Variants in MEP1A observed in about 807,000 individuals in gnomAD.
MEP1A encodes N-benzoyl-L-tyrosyl-P-amino-benzoic acid hydrolase subunit alpha.
Under a neutral mutation model 84.5 loss-of-function variants are expected in MEP1A, and 68 were observed. That is an observed-to-expected ratio of 0.80 (90% CI 0.66 to 0.98). The LOEUF is 0.98. MEP1A is among the 50% of genes least tolerant of loss of function. MEP1A has a pLI of 0.00. For synonymous variants in MEP1A, 337 were observed against 336.8 expected (o/e 1.00, Z -0.01); for missense variants, 887 against 919.9 (o/e 0.96, Z 0.46).
At chr6:46,832,712 A>G (rs975844558) in intron 10 of MEP1A, among the ~76,000 whole-genome samples, 5 of 152,124 alleles carry the variant, frequency 3.3e-5, no homozygotes, top group African/African-American at 1.2e-4. Flanking sequence ...GAAAATGGCT[A>G]TTTTATATGA....
intron 7 of MEP1A, among the ~76,000 whole-genome samples, chr6:46,823,673 G>A (rs1277090591): frequency 6.6e-6 from 1 of 152,138 alleles, no homozygotes; most frequent in African/African-American, 2.4e-5. Flanking sequence ...AGGAGAATAC[G>A]AGGATGGGAA....
chr6:46,807,561 A>G (rs866017497), intron 5 of MEP1A, among the ~76,000 whole-genome samples: 5 of 66,376 alleles, frequency 7.5e-5, no homozygotes, highest in Non-Finnish European at 8.7e-5. Context: ...AGAAAGAAAG[A>G]AAGAAAGGAA....
intron 8 of MEP1A, among the ~76,000 whole-genome samples, chr6:46,825,768 A>G (rs1270402747): frequency 6.6e-6 from 1 of 152,194 alleles, no homozygotes; most frequent in Non-Finnish European, 1.5e-5. Context: ...ATAAAAACCA[A>G]TTATGTAGTT....
At chr6:46,798,570 C>T in intron 3 of MEP1A, 36 bp from the exon 4 acceptor site, 1 of 1,562,578 alleles carries the variant, frequency 6.4e-7, no homozygotes, top group Non-Finnish European at 8.8e-7. Flanking sequence ...AATGTTCACT[C>T]AAATATTCTT....
At chr6:46,796,631 A>C (rs1411804139) in intron 3 of MEP1A, among the ~76,000 whole-genome samples, 1 of 152,200 alleles carries the variant, frequency 6.6e-6, no homozygotes, top group Non-Finnish European at 1.5e-5. Context: ...CACATTAGGC[A>C]TTTAATAAGT....
At chr6:46,804,831 T>G (rs1437807701) in intron 5 of MEP1A, among the ~76,000 whole-genome samples, 1 of 151,834 alleles carries the variant, frequency 6.6e-6, no homozygotes, top group Admixed American at 6.6e-5. Flanking sequence ...CCCTTCCAAG[T>G]TATTCTCACT....
chr6:46,812,711 T>C (rs1360038321), intron 6 of MEP1A, among the ~76,000 whole-genome samples: 1 of 152,162 alleles, frequency 6.6e-6, no homozygotes, highest in Non-Finnish European at 1.5e-5. Flanking sequence ...TCCATCTTGA[T>C]TTCATTGTTG....
At chr6:46,813,958 T>A (rs1220834501) in intron 6 of MEP1A, among the ~76,000 whole-genome samples, 1 of 152,232 alleles carries the variant, frequency 6.6e-6, no homozygotes, top group East Asian at 1.9e-4. Flanking sequence ...AGTTACCTGA[T>A]GCTTTTGCTT....
In MEP1A at chr6:46,819,543, T is replaced by C; in HGVS notation, c.395T>C (p.Val132Ala). 1 of 1,611,392 alleles carries C rather than the reference T, an allele frequency of 6.2e-7. No homozygotes were observed. Among genetic ancestry groups the C allele is most frequent in the Non-Finnish European group, 8.5e-7 (1 of 1,178,498 alleles). The part of the protein sequence containing the change: ...FQQFDGCWSE[V>A]GDQHVGQNIS... ...CCTCTTTAAAGGTGCTGGTCTGAGG[T>C]TGGTGACCAACATGTGGGACAGAAC... Residue 132 changes from valine to alanine, a missense_variant, in exon 7 of 14, where the codon GTT becomes GCT. Physicochemically the swap from Val to Ala is moderately conservative, Grantham distance 64. Coordinates refer to ENST00000230588, the MANE Select transcript of MEP1A (RefSeq NM_005588.3).
At chr6:46,838,466 C>T (rs1289393412) in intron 13 of MEP1A, among the ~76,000 whole-genome samples, 2 of 152,188 alleles carry the variant, frequency 1.3e-5, no homozygotes, top group African/African-American at 2.4e-5. Context: ...AGGGCAACCT[C>T]GTGAGATAGT....
intron 11 of MEP1A, among the ~76,000 whole-genome samples, chr6:46,833,978 A>ATT (rs35322377): frequency 4.9e-5 from 7 of 141,654 alleles, no homozygotes; most frequent in Non-Finnish European, 7.8e-5. Context: ...TGGGCAAACT[A>ATT]TTTTTTTTTT....
Position 46,835,527 on chromosome 6 carries a change from G to C in MEP1A, c.2062G>C (p.Val688Leu). Reference protein sequence around the residue: ...PCQNDGICVNVKGMASCRCIS... With the variant: ...PCQNDGICVNLKGMASCRCIS... Reference sequence around the variant, plus strand: ...CCAAAATGACGGCATCTGTGTGAACGTGAAGGGGATGGCGAGCTGCAGGTA... The same window carrying C: ...CCAAAATGACGGCATCTGTGTGAACCTGAAGGGGATGGCGAGCTGCAGGTA... The change falls in exon 13 of 14, where the codon GTG (valine) becomes CTG (leucine). Residue 688 changes from valine (V) to leucine (L), a missense_variant. Val to Leu is a conservative substitution (Grantham distance 32). Coordinates refer to ENST00000230588, the MANE Select transcript of MEP1A (RefSeq NM_005588.3). 1 of 1,613,604 alleles carries C rather than the reference G, an allele frequency of 6.2e-7. No homozygotes were observed. The highest frequency in any genetic ancestry group is 8.5e-7 in the Non-Finnish European group (1 of 1,179,774).
At chr6:46,803,625 A>G (rs1485294566) in intron 5 of MEP1A, among the ~76,000 whole-genome samples, 1 of 151,464 alleles carries the variant, frequency 6.6e-6, no homozygotes, top group South Asian at 2.1e-4. Context: ...TACTTATTTC[A>G]GGTTTAGTTT....
intron 6 of MEP1A, among the ~76,000 whole-genome samples, chr6:46,815,749 C>T (rs985688167): frequency 2.6e-5 from 4 of 151,898 alleles, no homozygotes; most frequent in African/African-American, 9.7e-5. Context: ...GAGTCCTGAC[C>T]GTGGGGTTTT....
the MEP1A span, among the ~76,000 whole-genome samples, chr6:46,845,204 T>A: frequency 6.6e-6 from 1 of 152,196 alleles, no homozygotes; most frequent in African/African-American, 2.4e-5. Context: ...GCCAATGGAA[T>A]GGAAGCAGGA....
intron 6 of MEP1A, among the ~76,000 whole-genome samples, chr6:46,812,867 A>C (rs1767537993): frequency 6.6e-6 from 1 of 151,696 alleles, no homozygotes; most frequent in Admixed American, 6.6e-5. Flanking sequence ...ATTTACTGAG[A>C]CTTGTTTTGT....
At chr6:46,813,785 A>C (rs796144711) in intron 6 of MEP1A, among the ~76,000 whole-genome samples, 6 of 152,312 alleles carry the variant, frequency 3.9e-5, no homozygotes, top group African/African-American at 1.4e-4. Flanking sequence ...TTTGAAAAAG[A>C]CTGTATCTTT....
chr6:46,823,773 T>TA (rs1243047011), intron 7 of MEP1A, among the ~76,000 whole-genome samples: 1 of 152,204 alleles, frequency 6.6e-6, no homozygotes, highest in Non-Finnish European at 1.5e-5. Context: ...ACCTTTCCAT[T>TA]AATGCAGCCC....
chr6:46,819,447 C>A, intron 6 of MEP1A, 82 bp from the exon 7 acceptor site: 1 of 1,148,122 alleles, frequency 8.7e-7, no homozygotes, highest in Non-Finnish European at 1.2e-6. Context: ...TAATTTCCTC[C>A]TAATTTGTGT....
Sources: allele counts gnomAD v4.1 joint callset (sites outside exome capture counted in the v4.1 genomes callset), GRCh38; gene constraint gnomAD v4.1.1; transcripts MANE v1.5; gene names NCBI Gene and HGNC (gene_info 2026-07-23, HGNC 2026-07-21).